SGK1: variants seen among roughly 807,000 people sequenced by gnomAD.
The protein encoded by SGK1 is serum/glucocorticoid regulated kinase 1.
Under a neutral mutation model 64.2 loss-of-function variants are expected in SGK1, and 26 were observed. That is an observed-to-expected ratio of 0.40 (90% CI 0.30 to 0.56). The LOEUF (loss-of-function observed/expected upper bound fraction) is 0.56. SGK1 is among the 20% of genes least tolerant of loss of function. The pLI, the probability that SGK1 is intolerant of heterozygous loss-of-function variation, is 0.38. For synonymous variants in SGK1, 265 were observed against 239.7 expected (o/e 1.11, Z -0.98); for missense variants, 519 against 645.6 (o/e 0.80, Z 2.12).
At chr6:134,262,794 C>A (rs1471827754) in intron 1 of SGK1, among the ~76,000 whole-genome samples, 1 of 151,960 alleles carries the variant, frequency 6.6e-6, no homozygotes, top group Non-Finnish European at 1.5e-5. Context: ...ATCTAAATAG[C>A]ACTTTGGGAG....
intron 1 of SGK1, among the ~76,000 whole-genome samples, chr6:134,273,592 C>CA (rs58634499): frequency 0.047 from 768 of 16,218 alleles, 273 homozygotes; most frequent in Non-Finnish European, 0.071. Flanking sequence ...GACTCCGTCT[C>CA]AAAAAAAAAA....
chr6:134,255,202 T>C (rs548412448), intron 2 of SGK1, among the ~76,000 whole-genome samples: 19 of 152,252 alleles, frequency 1.2e-4, no homozygotes, highest in South Asian at 2.1e-4. Flanking sequence ...CTGTATAGTG[T>C]TCTATGGTAT....
intron 1 of SGK1, among the ~76,000 whole-genome samples, chr6:134,284,306 G>A (rs1300171349): frequency 2.0e-5 from 3 of 151,812 alleles, no homozygotes; most frequent in African/African-American, 7.3e-5. Flanking sequence ...TGAACAGGGT[G>A]GTCTCGAACA....
intron 2 of SGK1, chr6:134,260,651 A>T (rs1255825680): frequency 7.3e-6 from 1 of 137,376 alleles, no homozygotes; most frequent in Non-Finnish European, 1.6e-5. Context: ...CAGTCTGGGC[A>T]ACAAGAGTGA....
At chr6:134,177,796 T>C in intron 3 of SGK1, 1 of 1,613,624 alleles carries the variant, frequency 6.2e-7, no homozygotes, top group Non-Finnish European at 8.5e-7. Context: ...TACATGCCTC[T>C]GATAAGCTGG....
At chr6:134,248,696 A>C (rs1249120752) in intron 2 of SGK1, among the ~76,000 whole-genome samples, 3 of 151,942 alleles carry the variant, frequency 2.0e-5, no homozygotes, top group Non-Finnish European at 4.4e-5. Context: ...GGCCTTATTT[A>C]CAGGTTTTGT....
At chr6:134,209,862 A>G (rs1775858578) in intron 2 of SGK1, among the ~76,000 whole-genome samples, 1 of 152,148 alleles carries the variant, frequency 6.6e-6, no homozygotes, top group Admixed American at 6.6e-5. Flanking sequence ...TTTTTAGTAG[A>G]GATGGGGTTT....
intron 1 of SGK1, 101 bp downstream of exon 1, chr6:134,317,291 A>C: frequency 1.2e-6 from 1 of 805,692 alleles, no homozygotes; most frequent in South Asian, 1.4e-5. Context: ...GGCTTACATT[A>C]AGGGTTTAGC....
intron 1 of SGK1, among the ~76,000 whole-genome samples, chr6:134,305,707 T>C (rs977821739): frequency 6.6e-5 from 10 of 152,174 alleles, no homozygotes; most frequent in African/African-American, 2.4e-4. Flanking sequence ...AGTACAGTGG[T>C]GTGACTATGG....
intron 1 of SGK1, among the ~76,000 whole-genome samples, chr6:134,301,936 T>G (rs1777465000): frequency 6.6e-6 from 1 of 152,054 alleles, no homozygotes; most frequent in South Asian, 2.1e-4. Context: ...TGGATAAGTG[T>G]CAAGAAGGCA....
rs372116877 is a variant in SGK1 at position 134,272,352 on chromosome 6, C to G, written c.70-10204G>C. Among the ~76,000 whole-genome samples, 17 of 140,674 alleles carry G rather than the reference C, an allele frequency of 1.2e-4. 2 individuals carry two copies. The East Asian group carries it at 1.6e-3, about 13-fold the overall frequency. The allele number at this position is 140,674 out of a possible 152,430, so 92.3% of individuals were successfully genotyped here. A position where few individuals can be genotyped will look rare whatever the true frequency, so the allele number is the denominator to read the frequency against. On this transcript the variant is annotated intron_variant, in intron 1 of 13. Coordinates refer to ENST00000367858, the MANE Select transcript of SGK1 (RefSeq NM_001143676.3). ...TATTTTTAGTAGAGATGGGGTTTCA[C>G]CATGTTGACCAGGCTGGTCTCAAAC...
intron 2 of SGK1, among the ~76,000 whole-genome samples, chr6:134,258,827 A>G (rs926446072): frequency 6.6e-6 from 1 of 152,304 alleles, no homozygotes; most frequent in Middle Eastern, 3.4e-3. Context: ...AAAATAAAAT[A>G]AAATAAAATT....
At chr6:134,171,861 C>T (rs1582681310) in intron 10 of SGK1, 129 bp from the exon 11 acceptor site, 1 of 663,774 alleles carries the variant, frequency 1.5e-6, no homozygotes, top group Non-Finnish European at 2.6e-6. Context: ...TAGATTCCTT[C>T]CTGATAAAAC....
chr6:134,191,784 T>C (rs1451489495), intron 3 of SGK1, among the ~76,000 whole-genome samples: 2 of 149,654 alleles, frequency 1.3e-5, no homozygotes, highest in Non-Finnish European at 3.0e-5. Context: ...TTCTCCTGCC[T>C]CAGCCTCCTG....
At chr6:134,231,159 AG>A (rs1447455372) in intron 2 of SGK1, among the ~76,000 whole-genome samples, 1 of 152,232 alleles carries the variant, frequency 6.6e-6, no homozygotes, top group African/African-American at 2.4e-5. Context: ...ACTGCATGCC[AG>A]TCTCCGTGAC....
chr6:134,289,967 G>C (rs554154322), intron 1 of SGK1, among the ~76,000 whole-genome samples: 2 of 151,992 alleles, frequency 1.3e-5, no homozygotes, highest in Non-Finnish European at 1.5e-5. Flanking sequence ...TTACCAACAT[G>C]GTGAAACCCC....
intron 1 of SGK1, among the ~76,000 whole-genome samples, chr6:134,274,547 C>T (rs942331394): frequency 1.3e-4 from 20 of 152,036 alleles, no homozygotes; most frequent in African/African-American, 4.8e-4. Flanking sequence ...TGAAATGCTT[C>T]GACATCTGAA....
chr6:134,176,674 C>T lies in SGK1; in HGVS notation c.362-2088G>A, dbSNP rs762912529. Among the ~76,000 whole-genome samples the T allele has an allele frequency of 4.4e-4, 67 of 152,342 alleles. 1 individual carries two copies. Among genetic ancestry groups the T allele is most frequent in the Admixed American group, 4.3e-3 (66 of 15,308 alleles). ...AAAGGCTCTGCCATTTTAAAGTTGC[C>T]TACTGGATCTGGCACAGTCCCGAAA... On this transcript the variant is annotated intron_variant, in intron 3 of 13. Transcript: ENST00000367858.
At chr6:134,172,140 C>A in intron 10 of SGK1, 53 bp downstream of exon 10, 1 of 1,599,780 alleles carries the variant, frequency 6.3e-7, no homozygotes, top group South Asian at 1.1e-5. Context: ...GATTGTACAT[C>A]TCTCTCTTGG....
Sources: gnomAD v4.1 joint callset for allele counts (sites outside exome capture counted in the v4.1 genomes callset) on GRCh38, gnomAD v4.1.1 for gene constraint, MANE v1.5 for transcripts, NCBI Gene and HGNC (gene_info 2026-07-23, HGNC 2026-07-21) for gene names.